The following CDH22 variants were observed in gnomAD, a reference collection of about 807,000 sequenced individuals.
CDH22 encodes the protein cadherin-22.
Under a neutral mutation model 58.4 loss-of-function variants are expected in CDH22, and 30 were observed. That is an observed-to-expected ratio of 0.51 (90% CI 0.38 to 0.70). The LOEUF is 0.70. Ranked by LOEUF, CDH22 falls within the 30% of genes least tolerant of loss-of-function variation. The pLI is 0.00. For missense variants in CDH22, 1,014 were observed against 1,233.9 expected, an observed-to-expected ratio of 0.82 and a Z score of 2.67; for synonymous variants, 513 against 558.2, an observed-to-expected ratio of 0.92 and a Z score of 1.14.
chr20:46,295,376 G>C (rs1047300629), intron 1 of CDH22, among the ~76,000 whole-genome samples: 5 of 152,222 alleles, frequency 3.3e-5, no homozygotes, highest in African/African-American at 9.7e-5. Context: ...GCTCTCCGCT[G>C]TCCACTCCTG....
chr20:46,296,845 C>T (rs1387971056), intron 1 of CDH22, among the ~76,000 whole-genome samples: 1 of 152,210 alleles, frequency 6.6e-6, no homozygotes, highest in Non-Finnish European at 1.5e-5. Flanking sequence ...GTTTTTCTAA[C>T]CAGAAGCAGC....
chr20:46,283,777 G>A (rs938560390), intron 1 of CDH22, among the ~76,000 whole-genome samples: 11 of 148,932 alleles, frequency 7.4e-5, no homozygotes, highest in African/African-American at 2.7e-4. Flanking sequence ...GGGCCTTTCT[G>A]CACTTTTCTG....
In CDH22 at chr20:46,185,307, A is replaced by G. The variant is rs541946282; in HGVS notation, c.1663+1281T>C. ...CTATTCCTTAAAGGTTCAAACATCA[A>G]CATCATGAGAAACTTGTGAGAGCCA... On this transcript the variant is annotated intron_variant, in intron 10 of 11. Coordinates refer to ENST00000537909, the MANE Select transcript of CDH22 (RefSeq NM_021248.3). Among the ~76,000 whole-genome samples the G allele has an allele frequency of 7.2e-5, 11 of 152,110 alleles. No homozygotes were observed. In the South Asian group the frequency reaches 2.3e-3, roughly 32 times the overall value.
At chr20:46,185,593 C>T (rs185878666) in intron 10 of CDH22, among the ~76,000 whole-genome samples, 4 of 152,202 alleles carry the variant, frequency 2.6e-5, no homozygotes, top group East Asian at 3.9e-4. Flanking sequence ...GTGGGCCTGG[C>T]GTGGTGTCTC....
intron 1 of CDH22, among the ~76,000 whole-genome samples, chr20:46,273,664 G>A (rs1358000421): frequency 6.6e-6 from 1 of 152,226 alleles, no homozygotes; most frequent in Admixed American, 6.5e-5. Flanking sequence ...CTCAGAGGAG[G>A]GAAAGACCCA....
intron 1 of CDH22, among the ~76,000 whole-genome samples, chr20:46,294,125 G>A (rs1270692296): frequency 6.6e-6 from 1 of 152,170 alleles, no homozygotes; most frequent in African/African-American, 2.4e-5. Context: ...ATCCTTAAAA[G>A]GGGGCAGCTT....
chr20:46,264,841 C>CACACACACCGT (rs1215054080), intron 1 of CDH22, among the ~76,000 whole-genome samples: 8 of 148,832 alleles, frequency 5.4e-5, no homozygotes, highest in Non-Finnish European at 1.2e-4. Context: ...ACCATGCACA[C>CACACACACCGT]ACACACACCG....
chr20:46,189,118 G>C (rs976906801), intron 8 of CDH22, among the ~76,000 whole-genome samples: 1 of 152,166 alleles, frequency 6.6e-6, no homozygotes, highest in African/African-American at 2.4e-5. Flanking sequence ...GGGGGGGCGG[G>C]CGGCGGTCAG....
chr20:46,181,300 T>A (rs2085782402), intron 10 of CDH22, among the ~76,000 whole-genome samples: 1 of 152,116 alleles, frequency 6.6e-6, no homozygotes, highest in Non-Finnish European at 1.5e-5. Flanking sequence ...ACAGAGCACC[T>A]GAGCCAGTCT....
chr20:46,214,478 T>C (rs1375347331), intron 5 of CDH22, among the ~76,000 whole-genome samples: 1 of 152,186 alleles, frequency 6.6e-6, no homozygotes, highest in African/African-American at 2.4e-5. Context: ...TAATCCCTTT[T>C]ATAGCTCCCC....
chr20:46,178,163 GC>G lies in CDH22; in HGVS notation c.1697del (p.Gly566AlafsTer17), dbSNP rs747038613. The G allele has an allele frequency of 1.2e-6, 2 of 1,614,026 alleles. No homozygotes were observed. The highest frequency in any genetic ancestry group is 1.7e-6 in the Non-Finnish European group (2 of 1,179,980). On this transcript the variant is annotated frameshift_variant, in exon 11 of 12. Coordinates refer to ENST00000537909, the MANE Select transcript of CDH22 (RefSeq NM_021248.3). LOFTEE classifies it high-confidence loss of function. ...NTAAVHTQHV[G>X]FNRQEQDVFF... Reference sequence around the variant, plus strand: ...ACACGTCCTGCTCCTGCCGGTTGAAGCCCACGTGCTGCGTGTGCACTGCAGC... The same window carrying G: ...ACACGTCCTGCTCCTGCCGGTTGAAGCCACGTGCTGCGTGTGCACTGCAGC...
intron 6 of CDH22, among the ~76,000 whole-genome samples, chr20:46,211,298 G>A (rs896815113): frequency 7.2e-5 from 11 of 152,076 alleles, no homozygotes; most frequent in East Asian, 1.9e-4. Context: ...GTGGGGGAGC[G>A]ATCTGATTGG....
chr20:46,181,653 T>G (rs1260634410), intron 10 of CDH22, among the ~76,000 whole-genome samples: 1 of 132,404 alleles, frequency 7.6e-6, no homozygotes, highest in African/African-American at 2.8e-5. Context: ...CCTCCCTCCC[T>G]CCTTTCTCTC....
intron 4 of CDH22, among the ~76,000 whole-genome samples, chr20:46,223,472 C>T (rs2086140678): frequency 6.6e-6 from 1 of 152,214 alleles, no homozygotes; most frequent in African/African-American, 2.4e-5. Context: ...TGTGCTGGGG[C>T]TCAGGCTGAG....
intron 1 of CDH22, among the ~76,000 whole-genome samples, chr20:46,271,151 G>A (rs1443313859): frequency 6.6e-6 from 1 of 152,172 alleles, no homozygotes; most frequent in Non-Finnish European, 1.5e-5. Flanking sequence ...ACCCTGGGCT[G>A]AGCCCATTGT....
intron 4 of CDH22, among the ~76,000 whole-genome samples, chr20:46,224,447 G>A (rs1391664381): frequency 6.6e-6 from 1 of 152,182 alleles, no homozygotes; most frequent in African/African-American, 2.4e-5. Context: ...TGCACATGGG[G>A]AAACTGAAGC....
chr20:46,281,685 G>A (rs1409140817), intron 1 of CDH22, among the ~76,000 whole-genome samples: 1 of 152,206 alleles, frequency 6.6e-6, no homozygotes, highest in African/African-American at 2.4e-5. Flanking sequence ...CCAACAAAGG[G>A]AAATGGTCAG....
At chr20:46,264,621 A>T (rs1349896432) in intron 1 of CDH22, among the ~76,000 whole-genome samples, 1 of 152,122 alleles carries the variant, frequency 6.6e-6, no homozygotes, top group African/African-American at 2.4e-5. Context: ...CTGGAATTCA[A>T]ACAGGCTCTG....
intron 10 of CDH22, among the ~76,000 whole-genome samples, chr20:46,183,792 T>C (rs2085805825): frequency 6.6e-6 from 1 of 152,086 alleles, no homozygotes; most frequent in East Asian, 1.9e-4. Context: ...TGTGAGTGTG[T>C]AAAGGCCTTG....
Sources: allele counts gnomAD v4.1 joint callset (sites outside exome capture counted in the v4.1 genomes callset), GRCh38; gene constraint gnomAD v4.1.1; transcripts MANE v1.5; gene names NCBI Gene and HGNC (gene_info 2026-07-23, HGNC 2026-07-21).